The following RANBP2 variants were observed in gnomAD, a reference collection of about 807,000 sequenced individuals.
RANBP2 encodes the protein E3 SUMO-protein ligase RanBP2.
In RANBP2, 57 loss-of-function variants were observed where a neutral mutation model predicts 303.6. The observed-to-expected ratio is 0.19, with a 90% confidence interval of 0.15 to 0.23. RANBP2 has a LOEUF of 0.23. Ranked by LOEUF, RANBP2 falls within the 10% of genes least tolerant of loss-of-function variation. The probability of loss-of-function intolerance (pLI) is 1.00; values close to 1 mark genes in which losing one functional copy is unlikely to be tolerated. For missense variants in RANBP2, 3,138 were observed against 3,780.8 expected, an observed-to-expected ratio of 0.83 and a Z score of 4.46; for synonymous variants, 1,167 against 1,301.5, an observed-to-expected ratio of 0.90 and a Z score of 2.23.
At chr2:108,941,200 G>A in the RANBP2 span, among the ~76,000 whole-genome samples, 5 of 151,752 alleles carry the variant, frequency 3.3e-5, no homozygotes, top group African/African-American at 1.2e-4. Flanking sequence ...GTATTCCACT[G>A]CATTCGTAAA....
chr2:109,269,269 A>G, the RANBP2 span, among the ~76,000 whole-genome samples: 1 of 152,212 alleles, frequency 6.6e-6, no homozygotes, highest in Non-Finnish European at 1.5e-5. Context: ...TTGAAATGAC[A>G]TAAAGGGACT....
chr2:108,814,090 C>A, the RANBP2 span, among the ~76,000 whole-genome samples: 1 of 152,044 alleles, frequency 6.6e-6, no homozygotes, highest in Non-Finnish European at 1.5e-5. Flanking sequence ...GTTTTCATTT[C>A]TTTTGGATAT....
the RANBP2 span, among the ~76,000 whole-genome samples, chr2:108,956,812 A>T: frequency 1.3e-5 from 2 of 150,886 alleles, no homozygotes; most frequent in East Asian, 1.9e-4. Context: ...TTTGAGACAG[A>T]GTTTTTGTTC....
At chr2:109,590,067 CACACACATATAT>C in the RANBP2 span, among the ~76,000 whole-genome samples, 1 of 144,704 alleles carries the variant, frequency 6.9e-6, no homozygotes, top group Non-Finnish European at 1.5e-5. Context: ...TATATATATA[CACACACATATAT>C]ATGTATATAT....
the RANBP2 span, among the ~76,000 whole-genome samples, chr2:108,867,844 T>C: frequency 6.6e-6 from 1 of 152,220 alleles, no homozygotes; most frequent in East Asian, 1.9e-4. Flanking sequence ...ATAAAAGCCT[T>C]ACTAACTAGA....
chr2:108,948,126 C>T, the RANBP2 span, among the ~76,000 whole-genome samples: 4 of 152,208 alleles, frequency 2.6e-5, no homozygotes, highest in African/African-American at 7.2e-5. Context: ...CAAAGTTCCA[C>T]GGATCTCTAG....
chr2:109,092,247 G>A, the RANBP2 span, among the ~76,000 whole-genome samples: 1 of 152,072 alleles, frequency 6.6e-6, no homozygotes, highest in African/African-American at 2.4e-5. Context: ...CCTGTCTTTT[G>A]GTAAGCGCAA....
the RANBP2 span, among the ~76,000 whole-genome samples, chr2:108,832,344 CTT>C: frequency 7.7e-4 from 94 of 122,196 alleles, no homozygotes; most frequent in African/African-American, 2.3e-3. Context: ...GTATTTCTTT[CTT>C]TTTTTTTTTT....
the RANBP2 span, among the ~76,000 whole-genome samples, chr2:109,627,833 C>A: frequency 6.6e-6 from 1 of 152,162 alleles, no homozygotes; most frequent in African/African-American, 2.4e-5. Flanking sequence ...TGTAAATAGA[C>A]GGTCTATTCT....
chr2:109,374,077 G>C, the RANBP2 span, among the ~76,000 whole-genome samples: 4 of 152,254 alleles, frequency 2.6e-5, no homozygotes, highest in Non-Finnish European at 2.9e-5. Context: ...TCCTCCCTCA[G>C]GGCCATGAGG....
At chr2:108,742,798 A>AT (rs1434343022) in intron 7 of RANBP2, among the ~76,000 whole-genome samples, 4 of 151,590 alleles carry the variant, frequency 2.6e-5, no homozygotes, top group East Asian at 1.9e-4. Context: ...ATTTTTATTT[A>AT]TTTTTTTTGA....
At chr2:109,421,578 T>C in the RANBP2 span, among the ~76,000 whole-genome samples, 1 of 152,180 alleles carries the variant, frequency 6.6e-6, no homozygotes, top group Non-Finnish European at 1.5e-5. Context: ...TGGAGGGACC[T>C]CTTCTTCACC....
chr2:109,432,741 C>T, the RANBP2 span: 2 of 1,520,232 alleles, frequency 1.3e-6, no homozygotes, highest in South Asian at 2.6e-5. Flanking sequence ...GCTGTTGTTA[C>T]TGCTGGAGGC....
At chr2:109,641,479 A>T in the RANBP2 span, among the ~76,000 whole-genome samples, 2 of 152,228 alleles carry the variant, frequency 1.3e-5, no homozygotes, top group African/African-American at 2.4e-5. Context: ...TGCTGACTGA[A>T]TAAGTCAGTC....
chr2:109,546,275 G>A, the RANBP2 span: 10 of 1,415,858 alleles, frequency 7.1e-6, no homozygotes, highest in South Asian at 3.0e-5. Context: ...CTGACACAGC[G>A]CGGCAGCAGA....
At chr2:108,831,588 C>G in the RANBP2 span, among the ~76,000 whole-genome samples, 1 of 152,082 alleles carries the variant, frequency 6.6e-6, no homozygotes, top group East Asian at 1.9e-4. Context: ...CTAAGAGAAA[C>G]TTGACTTTCC....
At chr2:109,193,239 A>G in the RANBP2 span, among the ~76,000 whole-genome samples, 122,997 of 152,182 alleles carry the variant, frequency 0.81, 49,828 homozygotes, top group South Asian at 0.86. Flanking sequence ...TGAGAGAGAA[A>G]TAGGTTCCTG....
the RANBP2 span, chr2:108,910,466 G>C: frequency 6.2e-7 from 1 of 1,613,496 alleles, no homozygotes; most frequent in Non-Finnish European, 8.5e-7. Flanking sequence ...ATACCTCTTG[G>C]TGGGCTTTGC....
the RANBP2 span, chr2:109,503,829 A>C: frequency 6.6e-6 from 1 of 152,214 alleles, no homozygotes; most frequent in South Asian, 2.1e-4. Context: ...CTTCAGGTAG[A>C]AATGTGCTTC....
Sources: allele counts gnomAD v4.1 joint callset (sites outside exome capture counted in the v4.1 genomes callset), GRCh38; gene constraint gnomAD v4.1.1; transcripts MANE v1.5; gene names NCBI Gene and HGNC (gene_info 2026-07-23, HGNC 2026-07-21).